Variants in NOS1AP observed in about 807,000 individuals in gnomAD.
NOS1AP encodes nitric oxide synthase 1 adaptor protein.
In NOS1AP, 21 loss-of-function variants were observed where a neutral mutation model predicts 56.2. That is an observed-to-expected ratio of 0.37 (90% CI 0.26 to 0.54). The LOEUF is 0.54. NOS1AP is among the 20% of genes least tolerant of loss of function. NOS1AP has a pLI of 0.84. For synonymous variants in NOS1AP, 270 were observed against 274.6 expected, an observed-to-expected ratio of 0.98 and a Z score of 0.17; for missense variants, 522 against 657.8, an observed-to-expected ratio of 0.79 and a Z score of 2.26.
chr1:162,309,150 G>A (rs1655939357), intron 4 of NOS1AP, among the ~76,000 whole-genome samples: 1 of 152,108 alleles, frequency 6.6e-6, no homozygotes, highest in Admixed American at 6.6e-5. Flanking sequence ...TGTGATATTT[G>A]GGATTTCTTG....
intron 1 of NOS1AP, among the ~76,000 whole-genome samples, chr1:162,110,948 A>T (rs1647684834): frequency 6.6e-6 from 1 of 152,234 alleles, no homozygotes; most frequent in East Asian, 1.9e-4. Context: ...ATGTCCATTC[A>T]TTCAATAGCA....
Position 162,222,839 on chromosome 1 carries a change from T to G in NOS1AP, c.178-64505T>G, listed in dbSNP as rs184164423. On this transcript the variant is annotated intron_variant, in intron 2 of 9. Coordinates refer to ENST00000361897, the MANE Select transcript of NOS1AP (RefSeq NM_014697.3). ...GAAACAGTACATCCACTTTTAAGCA[T>G]GGATATTTGCATTCCTTGTGGGGTG... Among the ~76,000 whole-genome samples the G allele has an allele frequency of 8.6e-4, 131 of 152,354 alleles. 1 individual carries two copies. The highest frequency in any genetic ancestry group is 3.0e-3 in the African/African-American group (124 of 41,588).
intron 1 of NOS1AP, among the ~76,000 whole-genome samples, chr1:162,122,447 C>T (rs1440626396): frequency 6.6e-6 from 1 of 151,438 alleles, no homozygotes; most frequent in Non-Finnish European, 1.5e-5. Flanking sequence ...ATCATAAGAA[C>T]TTTTTATTAT....
At chr1:162,285,742 G>A (rs1655069782) in intron 2 of NOS1AP, among the ~76,000 whole-genome samples, 2 of 152,164 alleles carry the variant, frequency 1.3e-5, no homozygotes, top group South Asian at 4.2e-4. Context: ...GTCTCCGTGT[G>A]TTTGCTGCTC....
chr1:162,155,621 G>A (rs780349652), intron 2 of NOS1AP, among the ~76,000 whole-genome samples: 11 of 151,866 alleles, frequency 7.2e-5, no homozygotes, highest in African/African-American at 1.2e-4. Flanking sequence ...ATACATTCTC[G>A]CTGGTATACA....
intron 4 of NOS1AP, among the ~76,000 whole-genome samples, chr1:162,304,430 A>G (rs1655751573): frequency 6.6e-6 from 1 of 152,238 alleles, no homozygotes; most frequent in Non-Finnish European, 1.5e-5. Context: ...TCTTGAAATC[A>G]GGTAGTAATA....
At chr1:162,114,199 C>G (rs10494365) in intron 1 of NOS1AP, among the ~76,000 whole-genome samples, 17,580 of 151,942 alleles carry the variant, frequency 0.12, 1,520 homozygotes, top group East Asian at 0.33. Flanking sequence ...ACAAGATCAC[C>G]CTGTTTAGCT....
chr1:162,365,562 G>T lies in NOS1AP; in HGVS notation c.1098G>T (p.Gln366His). ...AGCTGGAACTGAAGCTGTCAGGACAGAACGCCAGTAAGCCAGTGCCCTGCC... is the reference window on the plus strand; with the variant it reads ...AGCTGGAACTGAAGCTGTCAGGACATAACGCCAGTAAGCCAGTGCCCTGCC... Reference protein sequence around the residue: ...VQELELKLSGQNAMGSQDSLL... With the variant: ...VQELELKLSGHNAMGSQDSLL... The change falls in exon 9 of 10, where the codon CAG becomes CAT. Residue 366 changes from glutamine to histidine, a missense_variant. By Grantham distance (24) the Gln-to-His change is conservative. Coordinates refer to ENST00000361897, the MANE Select transcript of NOS1AP (RefSeq NM_014697.3). 1 of 1,611,414 alleles carries T rather than the reference G, an allele frequency of 6.2e-7. No individual in the cohort carries two copies. The highest frequency in any genetic ancestry group is 1.7e-4 in the Middle Eastern group (1 of 5,846).
At chr1:162,182,642 A>G (rs1371347955) in intron 2 of NOS1AP, among the ~76,000 whole-genome samples, 1 of 152,224 alleles carries the variant, frequency 6.6e-6, no homozygotes, top group Non-Finnish European at 1.5e-5. Context: ...AACTAAGTTT[A>G]TCTAAATCTT....
intron 1 of NOS1AP, among the ~76,000 whole-genome samples, chr1:162,133,428 A>G (rs1336318592): frequency 6.6e-6 from 1 of 152,200 alleles, no homozygotes; most frequent in Admixed American, 6.5e-5. Flanking sequence ...TACCATTTAT[A>G]GTTTTATCTA....
chr1:162,163,053 A>G (rs1404819087), intron 2 of NOS1AP, among the ~76,000 whole-genome samples: 1 of 152,192 alleles, frequency 6.6e-6, no homozygotes, highest in Non-Finnish European at 1.5e-5. Context: ...GGCATCATAC[A>G]ATATGTGGCC....
rs181342343 is a variant in NOS1AP, at chr1:162,196,870, G to A, written c.177+42394G>A. ...ATTGTGCGAACGAATCTAGAGTAGA[G>A]TAGGGCTGGAGGCCCCGCTATGGTT... On this transcript the variant is annotated intron_variant, in intron 2 of 9. Coordinates refer to ENST00000361897, the MANE Select transcript of NOS1AP (RefSeq NM_014697.3). Among the ~76,000 whole-genome samples the A allele has an allele frequency of 1.6e-3, 246 of 152,346 alleles. 2 individuals carry two copies. The highest frequency in any genetic ancestry group is 5.7e-3 in the African/African-American group (237 of 41,576).
intron 8 of NOS1AP, chr1:162,364,907 T>C (rs1230373996): frequency 9.0e-6 from 9 of 1,002,374 alleles, no homozygotes; most frequent in Non-Finnish European, 1.1e-5. Context: ...TGGGCTTCGT[T>C]GTGACACTGT....
rs894423512 is a variant in NOS1AP at position 162,116,577 on chromosome 1, G to A, written c.106-37828G>A. 3.9e-5 allele frequency among the ~76,000 whole-genome samples: 6 copies of A among 152,148 alleles called. No individual in the cohort carries two copies. In the East Asian group the frequency reaches 7.7e-4, roughly 20 times the overall value. ...GCTGGTAGTTAAATATGATAGATTC[G>A]TAGTATGTTACCTTGGAATCAGCCA... On this transcript the variant is annotated intron_variant, in intron 1 of 9. Transcript: ENST00000361897.
chr1:162,273,181 T>TG (rs1654635067), intron 2 of NOS1AP, among the ~76,000 whole-genome samples: 1 of 131,240 alleles, frequency 7.6e-6, no homozygotes, highest in East Asian at 2.4e-4. Flanking sequence ...TTTTTTTTTT[T>TG]GAGACGGAGT....
At chr1:162,313,045 G>A (rs1427857196) in intron 4 of NOS1AP, among the ~76,000 whole-genome samples, 1 of 152,064 alleles carries the variant, frequency 6.6e-6, no homozygotes, top group Non-Finnish European at 1.5e-5. Flanking sequence ...GCAAAAACTG[G>A]AAGCATTCCC....
intron 2 of NOS1AP, among the ~76,000 whole-genome samples, chr1:162,158,316 C>T (rs900128916): frequency 1.3e-5 from 2 of 152,174 alleles, no homozygotes; most frequent in African/African-American, 4.8e-5. Context: ...CAGTATGTGA[C>T]AGGATTTCCT....
intron 2 of NOS1AP, among the ~76,000 whole-genome samples, chr1:162,284,606 C>A (rs1335957899): frequency 6.6e-6 from 1 of 152,118 alleles, no homozygotes; most frequent in Non-Finnish European, 1.5e-5. Flanking sequence ...TGCCCACAGA[C>A]CCTGTAAGAG....
In NOS1AP at chr1:162,084,729, A is replaced by G. The variant is rs551160576; in HGVS notation, c.105+14447A>G. 5.6e-3 allele frequency among the ~76,000 whole-genome samples: 846 copies of G among 152,010 alleles called. 5 individuals carry two copies. Among genetic ancestry groups the G allele is most frequent in the Non-Finnish European group, 0.01 (689 of 67,932 alleles). On this transcript the variant is annotated intron_variant, in intron 1 of 9. Coordinates refer to ENST00000361897, the MANE Select transcript of NOS1AP (RefSeq NM_014697.3). ...GGTCTCACCCTGTCACCTGTGCTGGAGTGCAGTGGCATGATCATGGCTCAC... is the reference window on the plus strand; with the variant it reads ...GGTCTCACCCTGTCACCTGTGCTGGGGTGCAGTGGCATGATCATGGCTCAC...
Sources: allele counts gnomAD v4.1 joint callset (sites outside exome capture counted in the v4.1 genomes callset), GRCh38; gene constraint gnomAD v4.1.1; transcripts MANE v1.5; gene names NCBI Gene and HGNC (gene_info 2026-07-23, HGNC 2026-07-21).